MFSD6: variants seen among roughly 807,000 people sequenced by gnomAD.
MFSD6 encodes major facilitator superfamily domain-containing protein 6.
Under a neutral mutation model 56.3 loss-of-function variants are expected in MFSD6, and 26 were observed. The ratio of observed to expected loss-of-function variants is 0.46; its 90% CI spans 0.34 to 0.64. MFSD6 has a LOEUF of 0.64. Ranked by LOEUF, MFSD6 falls within the 30% of genes least tolerant of loss-of-function variation. The pLI, the probability that MFSD6 is intolerant of heterozygous loss-of-function variation, is 0.01. For missense variants in MFSD6, 750 were observed against 986.2 expected (o/e 0.76, Z 3.21); for synonymous variants, 331 against 366.9 (o/e 0.90, Z 1.12).
chr2:190,417,525 A>G lies in MFSD6; in HGVS notation c.-54+2112A>G, dbSNP rs11687958. Among the ~76,000 whole-genome samples the G allele has an allele frequency of 0.11, 16,688 of 151,988 alleles. 1,274 individuals carry two copies. Among genetic ancestry groups the G allele is most frequent in the African/African-American group, 0.21 (8,629 of 41,404 alleles). On this transcript the variant is annotated intron_variant, in intron 2 of 7. Coordinates refer to ENST00000392328, the MANE Select transcript of MFSD6 (RefSeq NM_017694.4). This position sits in a 1 kb window ranked among gnomAD's most constrained non-coding sequence, Gnocchi z 5.7. Reference sequence around the variant, plus strand: ...GTGGCCTCCAGCATGTGTCCTACCTACTAGTGGGTGCTCGATCTATAGCTG... The same window carrying G: ...GTGGCCTCCAGCATGTGTCCTACCTGCTAGTGGGTGCTCGATCTATAGCTG...
rs1390195634 is a variant in MFSD6 at position 190,463,555 on chromosome 2, C to A, written c.1533-6203C>A. On this transcript the variant is annotated intron_variant, in intron 3 of 7. Coordinates refer to ENST00000392328, the MANE Select transcript of MFSD6 (RefSeq NM_017694.4). The surrounding 1 kb of genome is among the most constrained non-coding windows in gnomAD (Gnocchi z 4.4). ...ATAATCTGGGGCCAGGTGGATGGCT[C>A]ATGCCTATAATCCCAGCAACTTTGG... Among the ~76,000 whole-genome samples the A allele has an allele frequency of 6.6e-6, 1 of 152,172 alleles. No homozygotes were observed. Among genetic ancestry groups the A allele is most frequent in the Non-Finnish European group, 1.5e-5 (1 of 68,026 alleles).
In MFSD6 at chr2:190,425,412, A is replaced by G. The variant is rs1212396705; in HGVS notation, c.-54+9999A>G. On this transcript the variant is annotated intron_variant, in intron 2 of 7. Transcript: ENST00000392328. The surrounding 1 kb of genome is among the most constrained non-coding windows in gnomAD (Gnocchi z 4.3). ...AACAGACAGTCTTGCCTTGTTCCCT[A>G]TCTTAGAGAAAAAGCATTCAGTCTT... Among the ~76,000 whole-genome samples the G allele has an allele frequency of 6.6e-6, 1 of 152,138 alleles. No individual in the cohort carries two copies. Among genetic ancestry groups the G allele is most frequent in the Non-Finnish European group, 1.5e-5 (1 of 68,022 alleles).
rs1687547660 is a variant in MFSD6, at chr2:190,465,359, C to G, written c.1533-4399C>G. ...ACTGACTTCCTGTTCTGAAATAGGA[C>G]AGTCATGCTGTTTTTGAGTTTTATC... On this transcript the variant is annotated intron_variant, in intron 3 of 7. Coordinates refer to ENST00000392328, the MANE Select transcript of MFSD6 (RefSeq NM_017694.4). The surrounding 1 kb of genome is among the most constrained non-coding windows in gnomAD (Gnocchi z 4.6). Among the ~76,000 whole-genome samples the G allele has an allele frequency of 1.3e-5, 2 of 152,132 alleles. No individual in the cohort carries two copies. The highest frequency in any genetic ancestry group is 2.4e-5 in the African/African-American group (1 of 41,422).
In MFSD6 at chr2:190,437,454, C is replaced by G. The variant is rs539999264; in HGVS notation, c.1425C>G (p.Leu475=). Residue 475 remains leucine (L), a synonymous_variant, in exon 3 of 8, where the codon CTC becomes CTG. Transcript: ENST00000392328. This position sits in a 1 kb window ranked among gnomAD's most constrained non-coding sequence, Gnocchi z 5.9. ...FTFLYWHLED[L]NGTTTLFGVC... is the part of the protein sequence containing the mutation. Reference sequence around the variant, plus strand: ...TTCTCTACTGGCATTTGGAAGACCTCAATGGAACTACAACCCTCTTTGGGG... The same window carrying G: ...TTCTCTACTGGCATTTGGAAGACCTGAATGGAACTACAACCCTCTTTGGGG... The G allele has an allele frequency of 1.8e-4, 284 of 1,614,210 alleles. 7 individuals carry two copies. The South Asian group carries it at 3.0e-3, about 17-fold the overall frequency.
In MFSD6 at chr2:190,454,228, G is replaced by T. The variant is rs978346070; in HGVS notation, c.1533-15530G>T. 4 of 152,166 alleles carry T rather than the reference G, an allele frequency of 2.6e-5. No homozygotes were observed. Among genetic ancestry groups the T allele is most frequent in the Non-Finnish European group, 5.9e-5 (4 of 68,040 alleles). The allele number at this position is 152,166 out of a possible 1,614,324, so 9.4% of individuals were successfully genotyped here. A position where few individuals can be genotyped will look rare whatever the true frequency, so the allele number is the denominator to read the frequency against. On this transcript the variant is annotated intron_variant, in intron 3 of 7. Transcript: ENST00000392328. This position sits in a 1 kb window ranked among gnomAD's most constrained non-coding sequence, Gnocchi z 4.6. The stretch of plus-strand genomic sequence containing the variant: ...TCAAATTAACTCCTTGTGGTCCTGG[G>T]ATAGAGTACCTGAGAGCCTGCAGCC...
At position 190,490,379 on chromosome 2, in the gene MFSD6, C is replaced by T. The variant is rs552217321; in HGVS notation, c.1891+513C>T. On this transcript the variant is annotated intron_variant, in intron 6 of 7. Transcript: ENST00000392328. This position sits in a 1 kb window ranked among gnomAD's most constrained non-coding sequence, Gnocchi z 4.5. ...GAGATCAAGACCATCTTGGCTAACA[C>T]GGTGAAACCCCATCTCTACTAAAAA... Among the ~76,000 whole-genome samples, 30 of 151,560 alleles carry T rather than the reference C, an allele frequency of 2.0e-4. No individual in the cohort carries two copies. Among genetic ancestry groups the T allele is most frequent in the Admixed American group, 9.8e-4 (15 of 15,240 alleles).
Position 190,438,281 on chromosome 2 carries a change from C to T in MFSD6, c.1532+720C>T, listed in dbSNP as rs1034606005. ...TGCTAATCCCAGCACTTTGAGAGGC[C>T]GAGGCAGGTGGATCACTTGAGGTCA... On this transcript the variant is annotated intron_variant, in intron 3 of 7. Transcript: ENST00000392328. The surrounding 1 kb of genome is among the most constrained non-coding windows in gnomAD (Gnocchi z 5.2). 1.3e-5 allele frequency among the ~76,000 whole-genome samples: 2 copies of T among 151,864 alleles called. No individual in the cohort carries two copies. The highest frequency in any genetic ancestry group is 1.5e-5 in the Non-Finnish European group (1 of 67,984).
In MFSD6 at chr2:190,462,141, G is replaced by T. The variant is rs954494565; in HGVS notation, c.1533-7617G>T. Among the ~76,000 whole-genome samples, 1 of 152,002 alleles carries T rather than the reference G, an allele frequency of 6.6e-6. No homozygotes were observed. Among genetic ancestry groups the T allele is most frequent in the Non-Finnish European group, 1.5e-5 (1 of 68,020 alleles). Reference sequence around the variant, plus strand: ...TCTGTCTCCTTCTTGGTTTGTTTTTGTATTAATATAATGTGAATATGGATA... The same window carrying T: ...TCTGTCTCCTTCTTGGTTTGTTTTTTTATTAATATAATGTGAATATGGATA... On this transcript the variant is annotated intron_variant, in intron 3 of 7. Coordinates refer to ENST00000392328, the MANE Select transcript of MFSD6 (RefSeq NM_017694.4). The surrounding 1 kb of genome is among the most constrained non-coding windows in gnomAD (Gnocchi z 5.7).
rs1213813695 is a variant in MFSD6, at chr2:190,496,384, G to C, written c.1892-1055G>C. On this transcript the variant is annotated intron_variant, in intron 6 of 7. Transcript: ENST00000392328. The surrounding 1 kb of genome is among the most constrained non-coding windows in gnomAD (Gnocchi z 4.7). Reference sequence around the variant, plus strand: ...AGGAAACACTTCTACACTGCTGGTAGGAATGTAAGCTGTACAAACACTATG... The same window carrying C: ...AGGAAACACTTCTACACTGCTGGTACGAATGTAAGCTGTACAAACACTATG... 6.6e-6 allele frequency among the ~76,000 whole-genome samples: 1 copy of C among 152,150 alleles called. No homozygotes were observed. Among genetic ancestry groups the C allele is most frequent in the Non-Finnish European group, 1.5e-5 (1 of 68,032 alleles).
rs1686283638 is a variant in MFSD6 at position 190,439,203 on chromosome 2, T to C, written c.1532+1642T>C. On this transcript the variant is annotated intron_variant, in intron 3 of 7. Transcript: ENST00000392328. The surrounding 1 kb of genome is among the most constrained non-coding windows in gnomAD (Gnocchi z 5.8). ...GCAAATCTCACTGCAGTTAATAATG[T>C]CTTTAAAATCACTGTTATTCATTCC... Among the ~76,000 whole-genome samples, 1 of 152,008 alleles carries C rather than the reference T, an allele frequency of 6.6e-6. No individual in the cohort carries two copies. The highest frequency in any genetic ancestry group is 2.1e-4 in the South Asian group (1 of 4,824).
At chr2:190,452,536 A>G (rs1686817344) in intron 3 of MFSD6, among the ~76,000 whole-genome samples, 2 of 152,230 alleles carry the variant, frequency 1.3e-5, no homozygotes, top group South Asian at 2.1e-4. Context: ...AATAATGAAC[A>G]TAGGATTTAA....
chr2:190,465,480 T>C lies in MFSD6; in HGVS notation c.1533-4278T>C, dbSNP rs1334202105. Among the ~76,000 whole-genome samples the C allele has an allele frequency of 7.9e-5, 12 of 152,174 alleles. No homozygotes were observed. The highest frequency in any genetic ancestry group is 7.9e-4 in the Admixed American group (12 of 15,276). On this transcript the variant is annotated intron_variant, in intron 3 of 7. Transcript: ENST00000392328. The surrounding 1 kb of genome is among the most constrained non-coding windows in gnomAD (Gnocchi z 4.6). ...CATCAGTGCCCATAAGATTACTGAT[T>C]ATACATCAGTAATCTTATGTATAAT...
Position 190,423,968 on chromosome 2 carries a change from T to C in MFSD6, c.-54+8555T>C, listed in dbSNP as rs2354878. On this transcript the variant is annotated intron_variant, in intron 2 of 7. Transcript: ENST00000392328. This position sits in a 1 kb window ranked among gnomAD's most constrained non-coding sequence, Gnocchi z 4.3. The stretch of plus-strand genomic sequence containing the variant: ...TCTTCAGTGAAATGTCCCTTCACGT[T>C]TTTTGTCCATTTTCTAATTGGATTG... Among the ~76,000 whole-genome samples the C allele has an allele frequency of 0.46, 69,566 of 152,066 alleles. 16,348 individuals carry two copies. The highest frequency in any genetic ancestry group is 0.61 in the Admixed American group (9,297 of 15,286).
rs1689681903 is a variant in MFSD6 at position 190,496,446 on chromosome 2, G to T, written c.1892-993G>T. ...GGAGATTTCTTAAGAACTAAAAGTA[G>T]AACTACCATTTGATCCAGCAATCCC... On this transcript the variant is annotated intron_variant, in intron 6 of 7. Coordinates refer to ENST00000392328, the MANE Select transcript of MFSD6 (RefSeq NM_017694.4). The surrounding 1 kb of genome is among the most constrained non-coding windows in gnomAD (Gnocchi z 4.7). Among the ~76,000 whole-genome samples, 1 of 152,124 alleles carries T rather than the reference G, an allele frequency of 6.6e-6. No individual in the cohort carries two copies. The highest frequency in any genetic ancestry group is 2.4e-5 in the African/African-American group (1 of 41,422).
In MFSD6 at chr2:190,436,577, C is replaced by G; in HGVS notation, c.548C>G (p.Ser183Cys). ...SHQLTILPTN[S>C]SFTSFLTISP... The stretch of plus-strand genomic sequence containing the variant: ...CAGTTAACTATCCTGCCAACAAATT[C>G]TTCCTTTACCTCTTTCCTCACCATA... The change falls in exon 3 of 8, where the codon TCT (serine) becomes TGT (cysteine). Residue 183 changes from serine to cysteine, a missense_variant. Around this residue, in one of 5 missense-constraint regions of MFSD6, gnomAD observed 376 missense variants for 437.9 expected, o/e 0.86. Transcript: ENST00000392328. The surrounding 1 kb of genome is among the most constrained non-coding windows in gnomAD (Gnocchi z 5.3). The G allele has an allele frequency of 6.2e-7, 1 of 1,614,236 alleles. No homozygotes were observed. Among genetic ancestry groups the G allele is most frequent in the Non-Finnish European group, 8.5e-7 (1 of 1,180,046 alleles).
At chr2:190,478,472 G>C (rs183025900) in intron 4 of MFSD6, among the ~76,000 whole-genome samples, 36 of 152,336 alleles carry the variant, frequency 2.4e-4, no homozygotes, top group Non-Finnish European at 4.4e-4. Flanking sequence ...CTGCATCACA[G>C]AAATACATTT....
chr2:190,430,067 A>G (rs1018625503), intron 2 of MFSD6, among the ~76,000 whole-genome samples: 3 of 150,412 alleles, frequency 2.0e-5, no homozygotes, highest in Admixed American at 6.7e-5. Flanking sequence ...TCATTGTTCA[A>G]TTTCCACCTA....
At chr2:190,482,230 C>G (rs1688714679) in intron 4 of MFSD6, among the ~76,000 whole-genome samples, 1 of 152,144 alleles carries the variant, frequency 6.6e-6, no homozygotes. Context: ...CTACTCCTGT[C>G]TCCTGTTCAT....
intron 1 of MFSD6, chr2:190,411,466 C>T (rs1165119494): frequency 1.0e-6 from 1 of 985,192 alleles, no homozygotes; most frequent in Non-Finnish European, 1.2e-6. Context: ...CCGACAGTGG[C>T]TATCTTCAGG....
Sources: allele counts gnomAD v4.1 joint callset (sites outside exome capture counted in the v4.1 genomes callset), GRCh38; gene constraint gnomAD v4.1.1; regional missense constraint gnomAD v4.1.1; non-coding constraint Gnocchi (gnomAD v3.1); transcripts MANE v1.5; gene names NCBI Gene and HGNC (gene_info 2026-07-23, HGNC 2026-07-21).